Variants in NR6A1 observed in about 807,000 individuals in gnomAD.
NR6A1 encodes retinoic acid receptor-related testis-associated receptor.
NR6A1 carries 7 observed loss-of-function variants against 59.1 expected under a neutral mutation model. That is an observed-to-expected ratio of 0.12 (90% CI 0.07 to 0.22). The LOEUF (loss-of-function observed/expected upper bound fraction) is 0.22, where lower values mean the gene tolerates loss of function less well. Ranked by LOEUF, NR6A1 falls within the 10% of genes least tolerant of loss-of-function variation. The pLI, the probability that NR6A1 is intolerant of heterozygous loss-of-function variation, is 1.00. For missense variants in NR6A1, 468 were observed against 611.6 expected (o/e 0.77, Z 2.48); for synonymous variants, 243 against 236.1 (o/e 1.03, Z -0.27).
chr9:124,645,857 C>G lies in NR6A1; in HGVS notation c.142+87451G>C, dbSNP rs188559826. Among the ~76,000 whole-genome samples, 264 of 152,292 alleles carry G rather than the reference C, an allele frequency of 1.7e-3. 1 individual carries two copies. The highest frequency in any genetic ancestry group is 5.8e-3 in the African/African-American group (243 of 41,564). The stretch of plus-strand genomic sequence containing the variant: ...AGTTGACATGAAACATTTACCAAAA[C>G]AGACCACATTCTGGCCCATAAACCA... On this transcript the variant is annotated intron_variant, in intron 2 of 9. Transcript: ENST00000487099.
intron 2 of NR6A1, among the ~76,000 whole-genome samples, chr9:124,709,492 G>C (rs1297145722): frequency 4.6e-5 from 7 of 152,106 alleles, no homozygotes; most frequent in African/African-American, 9.7e-5. Flanking sequence ...GAAGCGAGGA[G>C]TATCAGTCTA....
At chr9:124,567,524 G>A (rs1181455234) in intron 2 of NR6A1, among the ~76,000 whole-genome samples, 1 of 152,156 alleles carries the variant, frequency 6.6e-6, no homozygotes, top group Non-Finnish European at 1.5e-5. Flanking sequence ...AGTACTTAGG[G>A]GAGGCAGGAG....
intron 2 of NR6A1, among the ~76,000 whole-genome samples, chr9:124,699,148 C>T (rs370107904): frequency 3.3e-5 from 5 of 152,158 alleles, no homozygotes; most frequent in South Asian, 2.1e-4. Flanking sequence ...TGTGAAAAAG[C>T]GCTCTGCAAA....
chr9:124,680,287 A>G (rs2130991091), intron 2 of NR6A1, among the ~76,000 whole-genome samples: 1 of 152,240 alleles, frequency 6.6e-6, no homozygotes, highest in East Asian at 1.9e-4. Context: ...TTTTCCCAAA[A>G]CCATAAAAAA....
At chr9:124,540,291 G>C (rs968669732) in intron 4 of NR6A1, 104 bp from the exon 5 acceptor site, 19 of 1,271,528 alleles carry the variant, frequency 1.5e-5, no homozygotes, top group Non-Finnish European at 1.9e-5. Context: ...CAGAAACCTA[G>C]GTTCCCTCTC....
At chr9:124,525,703 A>C (rs1054603107) in intron 8 of NR6A1, among the ~76,000 whole-genome samples, 117 of 150,542 alleles carry the variant, frequency 7.8e-4, no homozygotes, top group African/African-American at 2.6e-3. Flanking sequence ...CTCTCTCTAT[A>C]TATATATACA....
chr9:124,565,460 A>T (rs1310780308), intron 2 of NR6A1, among the ~76,000 whole-genome samples: 11 of 120,088 alleles, frequency 9.2e-5, no homozygotes, highest in African/African-American at 6.9e-4. Context: ...AAAACAATTA[A>T]AAAAAAAGTC....
At chr9:124,726,059 A>C (rs1202845124) in intron 2 of NR6A1, among the ~76,000 whole-genome samples, 1 of 152,212 alleles carries the variant, frequency 6.6e-6, no homozygotes, top group East Asian at 1.9e-4. Context: ...TCACAGGGCA[A>C]AATTTCCTGA....
At chr9:124,632,385 T>C (rs370559214) in intron 2 of NR6A1, among the ~76,000 whole-genome samples, 5 of 152,348 alleles carry the variant, frequency 3.3e-5, no homozygotes, top group East Asian at 3.9e-4. Flanking sequence ...TTGTATCTCA[T>C]TGTGGTTTTG....
intron 2 of NR6A1, among the ~76,000 whole-genome samples, chr9:124,732,635 T>C (rs1839917566): frequency 6.6e-6 from 1 of 152,156 alleles, no homozygotes; most frequent in Non-Finnish European, 1.5e-5. Context: ...ATTTCAAAAC[T>C]ATCAATACTT....
intron 2 of NR6A1, among the ~76,000 whole-genome samples, chr9:124,669,115 C>T (rs947062497): frequency 4.6e-5 from 7 of 152,140 alleles, no homozygotes; most frequent in Admixed American, 4.6e-4. Flanking sequence ...TCAAAACATT[C>T]TTCTCATAGA....
At chr9:124,695,503 T>C (rs1387571473) in intron 2 of NR6A1, among the ~76,000 whole-genome samples, 6 of 152,200 alleles carry the variant, frequency 3.9e-5, no homozygotes, top group Middle Eastern at 3.4e-3. Flanking sequence ...GCCTCTCAAG[T>C]AGCTGGCCCG....
intron 2 of NR6A1, among the ~76,000 whole-genome samples, chr9:124,623,909 T>C (rs1836156507): frequency 6.6e-6 from 1 of 152,220 alleles, no homozygotes; most frequent in Non-Finnish European, 1.5e-5. Context: ...TTCTTCTACC[T>C]TTATTAAGCC....
intron 2 of NR6A1, among the ~76,000 whole-genome samples, chr9:124,687,399 C>G (rs776011923): frequency 1.6e-4 from 25 of 151,964 alleles, no homozygotes; most frequent in Non-Finnish European, 3.2e-4. Context: ...TCTCAGCTCC[C>G]AAAGTGCTGG....
intron 1 of NR6A1, among the ~76,000 whole-genome samples, chr9:124,759,147 CT>C (rs1174192566): frequency 1.3e-5 from 2 of 149,204 alleles, no homozygotes; most frequent in African/African-American, 5.2e-5. Context: ...TTCTCACTAT[CT>C]CTCTTTTCAT....
chr9:124,590,517 G>A (rs1011988122), intron 2 of NR6A1, among the ~76,000 whole-genome samples: 1 of 152,058 alleles, frequency 6.6e-6, no homozygotes, highest in African/African-American at 2.4e-5. Context: ...TTCCTTCTTT[G>A]TAGATCAAAA....
intron 2 of NR6A1, among the ~76,000 whole-genome samples, chr9:124,623,605 C>T (rs754412132): frequency 1.6e-4 from 24 of 151,524 alleles, no homozygotes; most frequent in Non-Finnish European, 3.2e-4. Flanking sequence ...ATGCTCCTAC[C>T]TAGGCCTCCC....
intron 7 of NR6A1, 90 bp from the exon 8 acceptor site, chr9:124,526,990 C>T (rs1832956980): frequency 6.6e-7 from 1 of 1,508,926 alleles, no homozygotes; most frequent in Non-Finnish European, 9.1e-7. Context: ...GCTCCTTAAA[C>T]AGGCTGAGCT....
intron 2 of NR6A1, among the ~76,000 whole-genome samples, chr9:124,679,677 G>A (rs1192451656): frequency 1.3e-5 from 2 of 151,864 alleles, no homozygotes; most frequent in Non-Finnish European, 2.9e-5. Flanking sequence ...ATCACTTGAG[G>A]TCAGGAGTTC....
Sources: allele counts gnomAD v4.1 joint callset (sites outside exome capture counted in the v4.1 genomes callset), GRCh38; gene constraint gnomAD v4.1.1; transcripts MANE v1.5; gene names NCBI Gene and HGNC (gene_info 2026-07-23, HGNC 2026-07-21).